Variants in SIL1 observed in about 807,000 individuals in gnomAD.
SIL1 encodes nucleotide exchange factor SIL1.
SIL1 carries 40 observed loss-of-function variants against 49.1 expected under a neutral mutation model. That is an observed-to-expected ratio of 0.81 (90% CI 0.63 to 1.06). The LOEUF (loss-of-function observed/expected upper bound fraction) is 1.06. Ranked by LOEUF, SIL1 falls within the 50% of genes least tolerant of loss-of-function variation. The pLI, the probability that SIL1 is intolerant of heterozygous loss-of-function variation, is 0.00. For synonymous variants in SIL1, 253 were observed against 250.8 expected, an observed-to-expected ratio of 1.01 and a Z score of -0.08; for missense variants, 500 against 572.6, an observed-to-expected ratio of 0.87 and a Z score of 1.29.
intron 1 of SIL1, among the ~76,000 whole-genome samples, chr5:139,138,443 C>T (rs962061869): frequency 1.3e-5 from 2 of 152,178 alleles, no homozygotes; most frequent in African/African-American, 4.8e-5. Flanking sequence ...ATACCTGATC[C>T]TTGACCCTGC....
rs556521711 is a variant in SIL1 at position 139,033,967 on chromosome 5, C to A, written c.454-6975G>T. On this transcript the variant is annotated intron_variant, in intron 5 of 9. Transcript: ENST00000394817. ...ATTTGTCTGTTTCTTTCTTTTAGTT[C>A]TGTTAGTTTTTGCTTCAGGTATTTT... Among the ~76,000 whole-genome samples, 6 of 152,212 alleles carry A rather than the reference C, an allele frequency of 3.9e-5. No individual in the cohort carries two copies. In the South Asian group the frequency reaches 8.3e-4, roughly 21 times the overall value.
intron 1 of SIL1, among the ~76,000 whole-genome samples, chr5:139,168,261 A>C (rs1182293543): frequency 6.6e-6 from 1 of 152,212 alleles, no homozygotes; most frequent in Non-Finnish European, 1.5e-5. Context: ...TGTTAAGTGA[A>C]GTATGGCTGT....
rs868659650 is a variant in SIL1, at chr5:139,195,609, G to C, written c.-11+2660C>G. On this transcript the variant is annotated intron_variant, in intron 1 of 9. Coordinates refer to ENST00000394817, the MANE Select transcript of SIL1 (RefSeq NM_022464.5). ...TCACCGTGTTAGCCAGGATGGTCTC[G>C]ATCTCCTGACCTCGTGATCCGCCCA... Among the ~76,000 whole-genome samples, 14 of 151,862 alleles carry C rather than the reference G, an allele frequency of 9.2e-5. No individual in the cohort carries two copies. In the East Asian group the frequency reaches 9.8e-4, roughly 11 times the overall value.
chr5:139,098,588 C>G (rs1044499618), intron 3 of SIL1, among the ~76,000 whole-genome samples: 1 of 151,926 alleles, frequency 6.6e-6, no homozygotes, highest in Non-Finnish European at 1.5e-5. Flanking sequence ...CAAAAATGAA[C>G]AAATGGGATC....
intron 1 of SIL1, among the ~76,000 whole-genome samples, chr5:139,148,443 A>T (rs1417340790): frequency 6.6e-6 from 1 of 152,224 alleles, no homozygotes; most frequent in Non-Finnish European, 1.5e-5. Flanking sequence ...CTGCCACAGT[A>T]GGCTCCATGG....
intron 7 of SIL1, among the ~76,000 whole-genome samples, chr5:138,979,443 G>A (rs1767468348): frequency 6.6e-6 from 1 of 152,094 alleles, no homozygotes; most frequent in African/African-American, 2.4e-5. Context: ...TATCTGTCTT[G>A]TTCACCACCA....
intron 2 of SIL1, among the ~76,000 whole-genome samples, chr5:139,126,530 C>A (rs754291733): frequency 9.2e-5 from 14 of 152,182 alleles, no homozygotes; most frequent in South Asian, 2.1e-4. Context: ...CCACCGCCAA[C>A]CCATGCCAGA....
chr5:139,020,598 G>C (rs1236325376), intron 7 of SIL1, among the ~76,000 whole-genome samples: 1 of 152,190 alleles, frequency 6.6e-6, no homozygotes, highest in Non-Finnish European at 1.5e-5. Context: ...AGAATGATGT[G>C]GTGCCTACAT....
chr5:138,989,447 C>T (rs915380530), intron 7 of SIL1, among the ~76,000 whole-genome samples: 7 of 152,076 alleles, frequency 4.6e-5, no homozygotes, highest in Non-Finnish European at 7.3e-5. Context: ...ACAGACTTCA[C>T]GAACACCATC....
chr5:139,091,326 A>C (rs550405649), intron 3 of SIL1, among the ~76,000 whole-genome samples: 32 of 152,262 alleles, frequency 2.1e-4, no homozygotes, highest in African/African-American at 6.3e-4. Context: ...TAGAGTGTTA[A>C]TATCCCCAAT....
chr5:138,994,379 T>C (rs897011347), intron 7 of SIL1, among the ~76,000 whole-genome samples: 2 of 152,148 alleles, frequency 1.3e-5, no homozygotes, highest in African/African-American at 4.8e-5. Flanking sequence ...TAACAAATAC[T>C]ATGAGGTAAT....
rs111534206 is a variant in SIL1, at chr5:139,055,405, C to G, written c.245-4359G>C. ...TTTTTTCCTCCCTGCTTGTCACACT[C>G]TCTGCCATGTGACTTTACAGTTCCT... On this transcript the variant is annotated intron_variant, in intron 3 of 9. Transcript: ENST00000394817. Among the ~76,000 whole-genome samples the G allele has an allele frequency of 5.6e-3, 848 of 152,254 alleles. 4 individuals are homozygous for G. Among genetic ancestry groups the G allele is most frequent in the African/African-American group, 0.02 (813 of 41,542 alleles).
chr5:139,118,573 G>A (rs995355014), intron 3 of SIL1, among the ~76,000 whole-genome samples: 2 of 152,126 alleles, frequency 1.3e-5, no homozygotes, highest in African/African-American at 4.8e-5. Context: ...CCCCAAACTG[G>A]CTGAATCTAG....
chr5:138,949,711 T>C (rs1766718193), intron 9 of SIL1, among the ~76,000 whole-genome samples: 1 of 143,866 alleles, frequency 7.0e-6, no homozygotes, highest in Admixed American at 7.3e-5. Context: ...CTCAGGGGGC[T>C]GAGGTGGGAG....
chr5:139,145,253 T>A (rs988939279), intron 1 of SIL1, among the ~76,000 whole-genome samples: 6 of 152,180 alleles, frequency 3.9e-5, no homozygotes, highest in African/African-American at 1.4e-4. Flanking sequence ...TTAGTCATCA[T>A]TAGAGAAATG....
At chr5:139,071,557 G>A (rs1197374033) in intron 3 of SIL1, among the ~76,000 whole-genome samples, 1 of 151,828 alleles carries the variant, frequency 6.6e-6, no homozygotes, top group Non-Finnish European at 1.5e-5. Context: ...AGGAGTATAT[G>A]TTATCTCTGG....
At chr5:139,114,239 C>T (rs980055179) in intron 3 of SIL1, among the ~76,000 whole-genome samples, 4 of 152,218 alleles carry the variant, frequency 2.6e-5, no homozygotes, top group Admixed American at 1.3e-4. Flanking sequence ...TCCTTCCTGG[C>T]CTGGCCTCCA....
chr5:139,040,897 G>A (rs1769033752), intron 5 of SIL1, among the ~76,000 whole-genome samples: 1 of 152,140 alleles, frequency 6.6e-6, no homozygotes. Flanking sequence ...AATTACTGGG[G>A]TGGGGGGAAA....
chr5:138,979,572 C>T (rs565404601), intron 7 of SIL1, among the ~76,000 whole-genome samples: 1 of 152,242 alleles, frequency 6.6e-6, no homozygotes, highest in East Asian at 1.9e-4. Context: ...GGCGTGATCT[C>T]GACTTACTGC....
Sources: gnomAD v4.1 joint callset for allele counts (sites outside exome capture counted in the v4.1 genomes callset) on GRCh38, gnomAD v4.1.1 for gene constraint, MANE v1.5 for transcripts, NCBI Gene and HGNC (gene_info 2026-07-23, HGNC 2026-07-21) for gene names.